The following GALNT13 variants were observed in gnomAD, a reference collection of about 807,000 sequenced individuals.
GALNT13 encodes UDP-GalNAc:polypeptide N-acetylgalactosaminyltransferase 13.
A neutral mutation model predicts 64.2 loss-of-function variants in GALNT13; 28 were observed. The observed-to-expected ratio is 0.44, with a 90% CI of 0.32 to 0.60. GALNT13 has a LOEUF of 0.60. Ranked by LOEUF, GALNT13 falls within the 20% of genes least tolerant of loss-of-function variation. The pLI, the probability that GALNT13 is intolerant of heterozygous loss-of-function variation, is 0.05. For missense variants in GALNT13, 577 were observed against 669.8 expected (o/e 0.86, Z 1.53); for synonymous variants, 214 against 224.6 (o/e 0.95, Z 0.42).
In GALNT13 at chr2:154,306,991, A is replaced by AT. The variant is rs34442308; in HGVS notation, c.1156+5416dup. Among the ~76,000 whole-genome samples the AT allele has an allele frequency of 1.5e-3, 216 of 141,132 alleles. 1 individual carries two copies. The highest frequency in any genetic ancestry group is 0.01 in the East Asian group (50 of 4,788). The allele number at this position is 141,132 out of a possible 152,430, so 92.6% of individuals were successfully genotyped here. A position where few individuals can be genotyped will look rare whatever the true frequency, so the allele number is the denominator to read the frequency against. ...GTGGTTTGTTTCAGAAAGGGCTGTT[A>AT]TTTTTTTTTTTTTTAGCGTTACACT... On this transcript the variant is annotated intron_variant, in intron 9 of 12. Coordinates refer to ENST00000392825, the MANE Select transcript of GALNT13 (RefSeq NM_052917.4).
chr2:153,565,499 T>C, the GALNT13 span, among the ~76,000 whole-genome samples: 3 of 152,168 alleles, frequency 2.0e-5, no homozygotes, highest in East Asian at 5.8e-4. Flanking sequence ...TGTTTGTGTT[T>C]ATAGTGTGTG....
chr2:153,689,025 TGTGTGTGTG>T, the GALNT13 span, among the ~76,000 whole-genome samples: 1 of 142,396 alleles, frequency 7.0e-6, no homozygotes, highest in Non-Finnish European at 1.5e-5. Flanking sequence ...TGTGTGTGTG[TGTGTGTGTG>T]TTCAGCATTA....
chr2:154,405,978 A>T (rs1284561060), intron 10 of GALNT13, among the ~76,000 whole-genome samples: 8 of 152,190 alleles, frequency 5.3e-5, no homozygotes, highest in Admixed American at 4.6e-4. Context: ...AAGTAAATGG[A>T]GTAACATTTA....
the GALNT13 span, among the ~76,000 whole-genome samples, chr2:153,162,162 T>A: frequency 1.3e-5 from 2 of 152,164 alleles, no homozygotes; most frequent in African/African-American, 4.8e-5. Context: ...GTATTCTACA[T>A]CCACAATGCT....
chr2:153,247,428 A>C, the GALNT13 span, among the ~76,000 whole-genome samples: 2 of 152,244 alleles, frequency 1.3e-5, no homozygotes, highest in Non-Finnish European at 2.9e-5. Flanking sequence ...GGAAATCATA[A>C]CTAACAGTCC....
the GALNT13 span, among the ~76,000 whole-genome samples, chr2:153,768,251 A>G: frequency 6.6e-6 from 1 of 152,188 alleles, no homozygotes; most frequent in South Asian, 2.1e-4. Flanking sequence ...ACAGATGAAA[A>G]GAACGTATAT....
rs561106926 is a variant in GALNT13 at position 154,007,777 on chromosome 2, T to C, written c.142+63138T>C. On this transcript the variant is annotated intron_variant, in intron 3 of 12. Transcript: ENST00000392825. ...TATAGAAGGAGCATTGTTTACTCTT[T>C]ACTGTTTTTACACCTGAATATCAAC... 4.9e-4 allele frequency among the ~76,000 whole-genome samples: 74 copies of C among 152,090 alleles called. 2 individuals carry two copies. The South Asian group carries it at 0.015, about 31-fold the overall frequency.
At chr2:154,235,999 A>G in intron 4 of GALNT13, 1 of 1,097,014 alleles carries the variant, frequency 9.1e-7, no homozygotes, top group African/African-American at 1.6e-5. Context: ...TATTCTTTCC[A>G]AAGTAGATCA....
At chr2:153,519,345 G>A in the GALNT13 span, among the ~76,000 whole-genome samples, 1 of 152,042 alleles carries the variant, frequency 6.6e-6, no homozygotes, top group African/African-American at 2.4e-5. Flanking sequence ...GAAAACAACT[G>A]GGCACAGCAT....
rs1701125006 is a variant in GALNT13, at chr2:154,438,720, T to C, written c.1524T>C (p.Asp508=). 4 of 1,606,314 alleles carry C rather than the reference T, an allele frequency of 2.5e-6. No individual in the cohort carries two copies. The highest frequency in any genetic ancestry group is 3.4e-6 in the Non-Finnish European group (4 of 1,174,656). ...GAGGAAATCAGTTATGGGAATATGA[T>C]GCTGAGGTATAGTATTTTCTTAATT... The part of the protein sequence containing the change: ...HMRGNQLWEY[D]AERLTLRHVN... The change falls in exon 12 of 13, where the codon GAT becomes GAC. Residue 508 remains aspartate, a synonymous_variant. Coordinates refer to ENST00000392825, the MANE Select transcript of GALNT13 (RefSeq NM_052917.4).
chr2:153,301,193 C>G, the GALNT13 span, among the ~76,000 whole-genome samples: 1 of 151,190 alleles, frequency 6.6e-6, no homozygotes, highest in African/African-American at 2.4e-5. Context: ...TGAGACCTTA[C>G]CAGCTGCACG....
intron 3 of GALNT13, among the ~76,000 whole-genome samples, chr2:154,033,151 C>T (rs544919097): frequency 2.9e-4 from 44 of 151,840 alleles, no homozygotes; most frequent in Middle Eastern, 3.4e-3. Context: ...TGAACATAGA[C>T]CCATGATTCA....
chr2:154,149,030 A>T (rs1683805268), intron 4 of GALNT13, among the ~76,000 whole-genome samples: 1 of 152,132 alleles, frequency 6.6e-6, no homozygotes, highest in African/African-American at 2.4e-5. Flanking sequence ...GGTAATGCCT[A>T]GGTTTTCTTC....
chr2:154,241,945 G>T, intron 4 of GALNT13, 85 bp from the exon 5 acceptor site: 1 of 752,322 alleles, frequency 1.3e-6, no homozygotes, highest in Non-Finnish European at 2.0e-6. Flanking sequence ...CAAGTCTGAA[G>T]TTGTGTTATT....
chr2:153,688,153 C>G, the GALNT13 span, among the ~76,000 whole-genome samples: 1 of 151,954 alleles, frequency 6.6e-6, no homozygotes, highest in African/African-American at 2.4e-5. Flanking sequence ...TTTATTGGAA[C>G]ATAGCCACAT....
chr2:153,512,582 TTATC>T, the GALNT13 span, among the ~76,000 whole-genome samples: 18 of 152,160 alleles, frequency 1.2e-4, no homozygotes, highest in Admixed American at 2.0e-4. Flanking sequence ...CTTGTCTTCT[TTATC>T]TATAAAATTG....
At chr2:153,211,835 T>C in the GALNT13 span, among the ~76,000 whole-genome samples, 3 of 152,186 alleles carry the variant, frequency 2.0e-5, no homozygotes. Flanking sequence ...AACATGAACA[T>C]TTAGAAGAGA....
chr2:153,455,494 C>T, the GALNT13 span, among the ~76,000 whole-genome samples: 5 of 152,114 alleles, frequency 3.3e-5, no homozygotes, highest in Admixed American at 3.3e-4. Flanking sequence ...CCGGCAGGAT[C>T]GAACTCCACT....
intron 3 of GALNT13, among the ~76,000 whole-genome samples, chr2:154,039,556 A>T (rs1398604909): frequency 7.2e-6 from 1 of 139,698 alleles, no homozygotes; most frequent in Non-Finnish European, 1.6e-5. Flanking sequence ...AAGCTAAAAA[A>T]ACAAAAATGA....
Sources: gnomAD v4.1 joint callset for allele counts (sites outside exome capture counted in the v4.1 genomes callset) on GRCh38, gnomAD v4.1.1 for gene constraint, MANE v1.5 for transcripts, NCBI Gene and HGNC (gene_info 2026-07-23, HGNC 2026-07-21) for gene names.